DSG4: variants seen among roughly 807,000 people sequenced by gnomAD.
The protein encoded by DSG4 is desmoglein-4.
A neutral mutation model predicts 93.1 loss-of-function variants in DSG4; 87 were observed. The observed-to-expected ratio is 0.93, with a 90% CI of 0.79 to 1.12. The LOEUF (loss-of-function observed/expected upper bound fraction) is 1.12, where lower values mean the gene tolerates loss of function less well. Among genes scored for constraint, DSG4 ranks in the 50% most tolerant of loss-of-function variants. DSG4 has a pLI of 0.00. For missense variants in DSG4, 1,373 were observed against 1,285.7 expected (o/e 1.07, Z -1.04); for synonymous variants, 432 against 452.9 (o/e 0.95, Z 0.59).
intron 1 of DSG4, among the ~76,000 whole-genome samples, chr18:31,383,561 C>T (rs1267885830): frequency 6.6e-6 from 1 of 151,828 alleles, no homozygotes; most frequent in Non-Finnish European, 1.5e-5. Flanking sequence ...TAGCATATTC[C>T]TTTAAAACTC....
At chr18:31,407,469 GT>G (rs61562044) in intron 12 of DSG4, among the ~76,000 whole-genome samples, 12,039 of 152,192 alleles carry the variant, frequency 0.079, 561 homozygotes, top group Admixed American at 0.14. Context: ...TCCCCATAGA[GT>G]TTTTTTAAAC....
At chr18:31,387,727 C>T (rs1239898839) in intron 3 of DSG4, among the ~76,000 whole-genome samples, 1 of 152,072 alleles carries the variant, frequency 6.6e-6, no homozygotes, top group Non-Finnish European at 1.5e-5. Flanking sequence ...AAAAATCTTA[C>T]TATTTTACTG....
chr18:31,391,683 C>A (rs1223510240), intron 7 of DSG4, among the ~76,000 whole-genome samples: 2 of 147,318 alleles, frequency 1.4e-5, no homozygotes, highest in Non-Finnish European at 3.0e-5. Flanking sequence ...AACAAAAAAA[C>A]AAAACAAAAA....
chr18:31,399,411 G>A lies in DSG4; in HGVS notation c.1145G>A (p.Gly382Glu). The A allele has an allele frequency of 2.5e-6, 4 of 1,614,084 alleles. No individual in the cohort carries two copies. Among genetic ancestry groups the A allele is most frequent in the Non-Finnish European group, 3.4e-6 (4 of 1,179,970 alleles). ...ATTCAAGTTGTTGATGTGAGAGAAG[G>A]ACCTGCATTTCATCCAAGTACTATG... ...VRIQVVDVRE[G>E]PAFHPSTMAF... The change falls in exon 9 of 16, where the codon GGA (glycine) becomes GAA (glutamate). Residue 382 changes from glycine (G) to glutamate (E), a missense_variant. Transcript: ENST00000308128.
Position 31,406,255 on chromosome 18 carries a change from A to G in DSG4, c.1815A>G (p.Thr605=), listed in dbSNP as rs1170162200. 6.2e-7 allele frequency: 1 copy of G among 1,614,216 alleles called. No individual in the cohort carries two copies. Among genetic ancestry groups the G allele is most frequent in the South Asian group, 1.1e-5 (1 of 91,086 alleles). Reference sequence around the variant, plus strand: ...ACTCTGGTGCCGCGGGCATCTACACAGAGGACATAACTGGTGACACGTATG... The same window carrying G: ...ACTCTGGTGCCGCGGGCATCTACACGGAGGACATAACTGGTGACACGTATG... The part of the protein sequence containing the change: ...CLDSGAAGIY[T]EDITGDTYGP... The change falls in exon 12 of 16, where the codon ACA becomes ACG. Residue 605 remains threonine, a synonymous_variant. Transcript: ENST00000308128.
chr18:31,385,028 T>C, intron 1 of DSG4, 108 bp from the exon 2 acceptor site: 1 of 984,600 alleles, frequency 1.0e-6, no homozygotes, highest in Non-Finnish European at 1.6e-6. Flanking sequence ...ATCAACAAAA[T>C]GTATATTTAA....
At chr18:31,399,006 A>G (rs903778150) in intron 8 of DSG4, among the ~76,000 whole-genome samples, 5 of 152,196 alleles carry the variant, frequency 3.3e-5, no homozygotes, top group Non-Finnish European at 5.9e-5. Flanking sequence ...GCATTTTTGT[A>G]TAAAAAGTCC....
chr18:31,396,779 T>A (rs2072310768), intron 8 of DSG4, among the ~76,000 whole-genome samples: 1 of 152,216 alleles, frequency 6.6e-6, no homozygotes, highest in African/African-American at 2.4e-5. Flanking sequence ...CAAAGTCATA[T>A]TTAACTGCCA....
intron 8 of DSG4, among the ~76,000 whole-genome samples, chr18:31,395,058 A>T (rs2072291329): frequency 1.3e-5 from 2 of 152,338 alleles, no homozygotes; most frequent in East Asian, 3.8e-4. Flanking sequence ...GTAGAGACTC[A>T]CAAAATTTGA....
At chr18:31,402,942 A>G (rs1342568047) in intron 10 of DSG4, among the ~76,000 whole-genome samples, 2 of 152,228 alleles carry the variant, frequency 1.3e-5, no homozygotes, top group Non-Finnish European at 2.9e-5. Flanking sequence ...GCACACAAGA[A>G]AAACACAAAC....
In DSG4 at chr18:31,413,716, T is replaced by C. The variant is rs1329740226; in HGVS notation, c.*121T>C. The C allele has an allele frequency of 2.4e-5, 32 of 1,311,406 alleles. No homozygotes were observed. The highest frequency in any genetic ancestry group is 5.9e-5 in the African/African-American group (4 of 68,340). The allele number at this position is 1,311,406 out of a possible 1,614,324, so 81.2% of individuals were successfully genotyped here. On this transcript the variant is annotated 3_prime_UTR_variant, in exon 16 of 16. Coordinates refer to ENST00000308128, the MANE Select transcript of DSG4 (RefSeq NM_177986.5). ...CAACAAATACTCAGATATTCTAAGG[T>C]CAATGCCATTATTTGATTATACCAT...
rs568866052 is a variant in DSG4, at chr18:31,378,173, C to T, written c.48+1214C>T. Among the ~76,000 whole-genome samples the T allele has an allele frequency of 1.9e-4, 29 of 152,216 alleles. 1 individual carries two copies. The South Asian group carries it at 5.6e-3, about 29-fold the overall frequency. On this transcript the variant is annotated intron_variant, in intron 1 of 15. Transcript: ENST00000308128. Reference sequence around the variant, plus strand: ...TTAGGAGACAGATTATTAAACAATACCATTTTTGAAAAATATTTTTAAACT... The same window carrying T: ...TTAGGAGACAGATTATTAAACAATATCATTTTTGAAAAATATTTTTAAACT...
At chr18:31,405,312 T>G (rs2072412398) in intron 11 of DSG4, among the ~76,000 whole-genome samples, 1 of 152,280 alleles carries the variant, frequency 6.6e-6, no homozygotes, top group East Asian at 1.9e-4. Context: ...CAATTTTAAA[T>G]GAAAGGGCAA....
chr18:31,405,589 G>A (rs2072415395), intron 11 of DSG4, among the ~76,000 whole-genome samples: 1 of 151,472 alleles, frequency 6.6e-6, no homozygotes, highest in Non-Finnish European at 1.5e-5. Flanking sequence ...AAGAAAGAAA[G>A]AAAAGTAAAA....
At chr18:31,381,683 G>A (rs1285237392) in intron 1 of DSG4, among the ~76,000 whole-genome samples, 2 of 151,442 alleles carry the variant, frequency 1.3e-5, no homozygotes, top group Non-Finnish European at 2.9e-5. Flanking sequence ...TTTTTGAGTT[G>A]GAGTCTTGCA....
At chr18:31,395,088 A>G (rs149842858) in intron 8 of DSG4, among the ~76,000 whole-genome samples, 2 of 152,292 alleles carry the variant, frequency 1.3e-5, no homozygotes, top group East Asian at 3.9e-4. Flanking sequence ...TGATGATACT[A>G]TTTACCTGAA....
chr18:31,383,250 T>G (rs1345311393), intron 1 of DSG4, among the ~76,000 whole-genome samples: 4 of 152,198 alleles, frequency 2.6e-5, no homozygotes, highest in Non-Finnish European at 4.4e-5. Flanking sequence ...GCCACACTAC[T>G]CAGTTCTTGT....
At chr18:31,382,639 A>T (rs540980122) in intron 1 of DSG4, among the ~76,000 whole-genome samples, 2 of 152,224 alleles carry the variant, frequency 1.3e-5, no homozygotes, top group South Asian at 4.1e-4. Context: ...ATGATTTCAT[A>T]GGGCCTGGGA....
In DSG4 at chr18:31,391,175, A is replaced by C. The variant is rs1161185632; in HGVS notation, c.782A>C (p.Asp261Ala). ...TGTGACTGTAGAATCAAGGTTTTAG[A>C]CGTCAACGATAATTTCCCCACCTTA... The part of the protein sequence containing the change: ...SECDCRIKVL[D>A]VNDNFPTLEK... The change falls in exon 7 of 16, where the codon GAC (aspartate) becomes GCC (alanine). Residue 261 changes from aspartate to alanine, a missense_variant. Coordinates refer to ENST00000308128, the MANE Select transcript of DSG4 (RefSeq NM_177986.5). The C allele has an allele frequency of 1.2e-6, 2 of 1,613,666 alleles. No individual in the cohort carries two copies. The highest frequency in any genetic ancestry group is 1.7e-6 in the Non-Finnish European group (2 of 1,179,690).
Sources: gnomAD v4.1 joint callset for allele counts (sites outside exome capture counted in the v4.1 genomes callset) on GRCh38, gnomAD v4.1.1 for gene constraint, MANE v1.5 for transcripts, NCBI Gene and HGNC (gene_info 2026-07-23, HGNC 2026-07-21) for gene names.